Variants in MORN1 observed in about 807,000 individuals in gnomAD.
MORN1 encodes MORN repeat-containing protein 1.
Under a neutral mutation model 61.9 loss-of-function variants are expected in MORN1, and 67 were observed. The observed-to-expected ratio is 1.08, with a 90% CI of 0.89 to 1.33. MORN1 has a LOEUF of 1.33. Among genes scored for constraint, MORN1 ranks in the 40% most tolerant of loss-of-function variants. The probability of loss-of-function intolerance (pLI) is 0.00; values close to 1 mark genes in which losing one functional copy is unlikely to be tolerated. For missense variants in MORN1, 752 were observed against 691.2 expected (o/e 1.09, Z -0.99); for synonymous variants, 301 against 292.0 (o/e 1.03, Z -0.31).
intron 13 of MORN1, 45 bp downstream of exon 13, chr1:2,324,052 A>T: frequency 6.4e-7 from 1 of 1,556,860 alleles, no homozygotes; most frequent in Non-Finnish European, 8.6e-7. Flanking sequence ...TCGCCTCTCC[A>T]GACAGTGGCA....
chr1:2,368,547 G>T (rs1642043767), intron 8 of MORN1, among the ~76,000 whole-genome samples: 1 of 152,152 alleles, frequency 6.6e-6, no homozygotes, highest in Non-Finnish European at 1.5e-5. Context: ...ATGGAAGGCT[G>T]CTTCCTCCCT....
chr1:2,364,655 TAA>T (rs1336923401), intron 8 of MORN1, among the ~76,000 whole-genome samples: 26 of 150,824 alleles, frequency 1.7e-4, no homozygotes, highest in African/African-American at 6.3e-4. Context: ...TCCTGAATGG[TAA>T]AGCCTAGGTT....
Position 2,321,278 on chromosome 1 carries a change from A to G in MORN1, c.*105T>C. ...TAGCCGCCACTGAGCATTTTATTCA[A>G]GCCAGCAACCACGGGGCTCTGGAGA... On this transcript the variant is annotated 3_prime_UTR_variant, in exon 14 of 14. Transcript: ENST00000378531. 2.2e-6 allele frequency: 2 copies of G among 916,544 alleles called. No homozygotes were observed. The highest frequency in any genetic ancestry group is 3.1e-6 in the Non-Finnish European group (2 of 636,066). 56.8% of individuals were successfully genotyped at this position (916,544 alleles called of 1,614,324 possible).
chr1:2,336,448 G>A (rs1189393892), intron 12 of MORN1, 21 bp downstream of exon 12: 1 of 1,607,926 alleles, frequency 6.2e-7, no homozygotes, highest in African/African-American at 1.3e-5. Flanking sequence ...AACACCTGCA[G>A]GTGGGGTGGG....
chr1:2,365,097 G>A (rs921051127), intron 8 of MORN1, among the ~76,000 whole-genome samples: 2 of 151,862 alleles, frequency 1.3e-5, no homozygotes, highest in African/African-American at 4.8e-5. Flanking sequence ...ATTCTGTGAA[G>A]AAAGTCATTG....
At chr1:2,325,498 G>C (rs576915610) in intron 12 of MORN1, among the ~76,000 whole-genome samples, 63 of 151,716 alleles carry the variant, frequency 4.2e-4, no homozygotes, top group Non-Finnish European at 7.9e-4. Context: ...ACAGGAGTGT[G>C]CCACCATGCC....
intron 12 of MORN1, among the ~76,000 whole-genome samples, chr1:2,325,560 T>C (rs1309062343): frequency 6.6e-6 from 1 of 151,684 alleles, no homozygotes; most frequent in Non-Finnish European, 1.5e-5. Flanking sequence ...TTGCCCAGGT[T>C]GGTCTCAAAC....
intron 10 of MORN1, among the ~76,000 whole-genome samples, chr1:2,349,667 C>T (rs908451685): frequency 2.6e-5 from 4 of 152,284 alleles, no homozygotes; most frequent in East Asian, 3.9e-4. Context: ...TATCACCCCA[C>T]GAGGCAATGA....
intron 8 of MORN1, among the ~76,000 whole-genome samples, chr1:2,370,990 G>T (rs1341359558): frequency 6.6e-6 from 1 of 151,920 alleles, no homozygotes; most frequent in Non-Finnish European, 1.5e-5. Flanking sequence ...TGGATCACGA[G>T]GTCAGGAGAT....
chr1:2,343,815 C>T (rs779140720), intron 10 of MORN1, among the ~76,000 whole-genome samples: 33 of 152,220 alleles, frequency 2.2e-4, no homozygotes, highest in Non-Finnish European at 4.3e-4. Context: ...CCGCCTCTGG[C>T]TTGGGGTTTG....
intron 10 of MORN1, among the ~76,000 whole-genome samples, chr1:2,342,867 ATTTATTTTATT>A (rs913756429): frequency 1.2e-4 from 12 of 101,126 alleles, no homozygotes; most frequent in Admixed American, 6.0e-4. Context: ...ATTTTATTTT[ATTTATTTTATT>A]TTATTTTATT....
At chr1:2,377,248 AAC>A (rs1048221908) in intron 6 of MORN1, 1 of 152,486 alleles carries the variant, frequency 6.6e-6, no homozygotes, top group Non-Finnish European at 1.5e-5. Flanking sequence ...CCACACCCAA[AAC>A]ACAGAGGCAA....
chr1:2,333,511 A>T (rs1366227551), intron 12 of MORN1, among the ~76,000 whole-genome samples: 2 of 152,222 alleles, frequency 1.3e-5, no homozygotes, highest in African/African-American at 4.8e-5. Flanking sequence ...CAAAGTTGTC[A>T]GTCACAGGGC....
intron 8 of MORN1, among the ~76,000 whole-genome samples, chr1:2,361,499 A>G (rs1214512219): frequency 6.6e-6 from 1 of 152,086 alleles, no homozygotes; most frequent in Non-Finnish European, 1.5e-5. Context: ...TGGAGGTTGC[A>G]GTGAGCCGAG....
chr1:2,390,787 C>T lies in MORN1; in HGVS notation c.76+671G>A, dbSNP rs987742091. On this transcript the variant is annotated intron_variant, in intron 1 of 13. Transcript: ENST00000378531. ...TTTTTGAGACTGAGTCTTGCTCTGT[C>T]GCCCAGGCTGGGGTGCAGCGGCGCG... is the stretch of plus-strand genomic sequence containing the variant. 7.2e-6 allele frequency: 7 copies of T among 978,908 alleles called. No individual in the cohort carries two copies. The African/African-American group carries it at 1.1e-4, about 15-fold the overall frequency. The allele number at this position is 978,908 out of a possible 1,614,324, so 60.6% of individuals were successfully genotyped here.
chr1:2,322,539 C>A, intron 13 of MORN1: 2 of 985,190 alleles, frequency 2.0e-6, no homozygotes, highest in South Asian at 9.4e-5. Context: ...GTGCTTGGCC[C>A]CGAGTCAGCT....
intron 8 of MORN1, among the ~76,000 whole-genome samples, chr1:2,362,736 C>T (rs536106570): frequency 1.4e-3 from 213 of 152,020 alleles, no homozygotes; most frequent in Non-Finnish European, 2.3e-3. Context: ...TGGTGGCGGG[C>T]GCCTGTAATC....
chr1:2,390,688 T>C, intron 1 of MORN1: 1 of 985,196 alleles, frequency 1.0e-6, no homozygotes, highest in Non-Finnish European at 1.2e-6. Context: ...ATAGTAGTGT[T>C]AGCTCTGAGT....
intron 10 of MORN1, among the ~76,000 whole-genome samples, chr1:2,341,420 G>A (rs1323667975): frequency 6.6e-6 from 1 of 152,206 alleles, no homozygotes; most frequent in East Asian, 1.9e-4. Flanking sequence ...AAGGGGCCGG[G>A]CGTGGTGGCT....
Sources: gnomAD v4.1 joint callset for allele counts (sites outside exome capture counted in the v4.1 genomes callset) on GRCh38, gnomAD v4.1.1 for gene constraint, MANE v1.5 for transcripts, NCBI Gene and HGNC (gene_info 2026-07-23, HGNC 2026-07-21) for gene names.